MYO6: variants seen among roughly 807,000 people sequenced by gnomAD.
MYO6 encodes myosin VI.
Under a neutral mutation model 178.7 loss-of-function variants are expected in MYO6, and 74 were observed. That is an observed-to-expected ratio of 0.41 (90% CI 0.34 to 0.50). The LOEUF (loss-of-function observed/expected upper bound fraction) is 0.50. MYO6 is among the 20% of genes least tolerant of loss of function. The probability of loss-of-function intolerance (pLI) is 0.09; values close to 1 mark genes in which losing one functional copy is unlikely to be tolerated. For synonymous variants in MYO6, 477 were observed against 504.6 expected, an observed-to-expected ratio of 0.95 and a Z score of 0.73; for missense variants, 1,330 against 1,547.4, an observed-to-expected ratio of 0.86 and a Z score of 2.36.
rs561412813 is a variant in MYO6 at position 75,862,524 on chromosome 6, A to G, written c.1547-72A>G. ...TGATCAGTCCTTGAAATCTGTGATT[A>G]GTGAATTGTTCACATATCTTTAAAA... On this transcript the variant is annotated intron_variant, in intron 15 of 34. Transcript: ENST00000369977. 6.7e-5 allele frequency: 89 copies of G among 1,320,304 alleles called. 2 individuals are homozygous for G. In the East Asian group the frequency reaches 1.1e-3, roughly 16 times the overall value. 81.8% of individuals were successfully genotyped at this position (1,320,304 alleles called of 1,614,324 possible).
chr6:75,893,776 A>G (rs1306351342), intron 28 of MYO6, among the ~76,000 whole-genome samples: 3 of 152,226 alleles, frequency 2.0e-5, no homozygotes, highest in Admixed American at 6.5e-5. Context: ...ATATGGCTAT[A>G]TGAACAAAAG....
chr6:75,788,061 A>G (rs1767852891), intron 1 of MYO6, among the ~76,000 whole-genome samples: 1 of 151,904 alleles, frequency 6.6e-6, no homozygotes, highest in South Asian at 2.1e-4. Flanking sequence ...TGCCCGGCCT[A>G]TTCTGTATCT....
At chr6:75,795,432 T>C (rs954212986) in intron 1 of MYO6, among the ~76,000 whole-genome samples, 6 of 152,220 alleles carry the variant, frequency 3.9e-5, no homozygotes, top group Non-Finnish European at 7.3e-5. Context: ...ATAATCAGTA[T>C]GATCGATTAT....
At chr6:75,914,753 A>G (rs1781021540) in intron 34 of MYO6, 60 bp from the exon 35 acceptor site, 1 of 1,509,946 alleles carries the variant, frequency 6.6e-7, no homozygotes, top group South Asian at 1.1e-5. Flanking sequence ...CAGGCATACA[A>G]CTGGTAAGAA....
intron 3 of MYO6, among the ~76,000 whole-genome samples, chr6:75,824,268 T>C (rs1329017879): frequency 6.6e-6 from 1 of 152,254 alleles, no homozygotes; most frequent in African/African-American, 2.4e-5. Context: ...CAGTATTTGC[T>C]GCCTCTGGCA....
intron 1 of MYO6, among the ~76,000 whole-genome samples, chr6:75,798,105 T>C (rs1769047157): frequency 6.6e-6 from 1 of 152,214 alleles, no homozygotes; most frequent in African/African-American, 2.4e-5. Flanking sequence ...TAGATTTTTA[T>C]AGTTTGAGGT....
intron 32 of MYO6, among the ~76,000 whole-genome samples, chr6:75,909,959 A>C (rs1757076690): frequency 1.3e-5 from 2 of 152,224 alleles, no homozygotes; most frequent in Admixed American, 1.3e-4. Flanking sequence ...GAGTGAGGGC[A>C]ATATTATTAT....
At chr6:75,904,389 T>A (rs1485360005) in intron 30 of MYO6, among the ~76,000 whole-genome samples, 21 of 151,814 alleles carry the variant, frequency 1.4e-4, no homozygotes, top group Non-Finnish European at 4.4e-5. Flanking sequence ...TTTGGTCTTT[T>A]CACATAGTCC....
chr6:75,903,323 G>C (rs575128609), intron 30 of MYO6, among the ~76,000 whole-genome samples: 44 of 152,174 alleles, frequency 2.9e-4, no homozygotes, highest in African/African-American at 1.0e-3. Context: ...GTGGACAGTG[G>C]GGTGTTAAAG....
intron 1 of MYO6, among the ~76,000 whole-genome samples, chr6:75,749,832 T>G (rs1776695910): frequency 6.6e-6 from 1 of 152,158 alleles, no homozygotes. Flanking sequence ...AATGATACCA[T>G]TAATAGTCTA....
At position 75,870,550 on chromosome 6, in the gene MYO6, A is replaced by G. The variant is rs553153015; in HGVS notation, c.1945-97A>G. 134 of 923,266 alleles carry G rather than the reference A, an allele frequency of 1.5e-4. No homozygotes were observed. The African/African-American group carries it at 1.9e-3, about 13-fold the overall frequency. The allele number at this position is 923,266 out of a possible 1,614,324, so 57.2% of individuals were successfully genotyped here. A position where few individuals can be genotyped will look rare whatever the true frequency, so the allele number is the denominator to read the frequency against. ...ATGTGTTGTATTTGGATGTTATTGCATGTTATTTTATTCCAGTACTGGAGA... is the reference window on the plus strand; with the variant it reads ...ATGTGTTGTATTTGGATGTTATTGCGTGTTATTTTATTCCAGTACTGGAGA... On this transcript the variant is annotated intron_variant, in intron 18 of 34. Transcript: ENST00000369977.
At chr6:75,819,487 C>T (rs1166731996) in intron 2 of MYO6, among the ~76,000 whole-genome samples, 2 of 152,174 alleles carry the variant, frequency 1.3e-5, no homozygotes, top group East Asian at 1.9e-4. Context: ...AGTGGAAGTA[C>T]AGTGGAAGTG....
Position 75,858,967 on chromosome 6 carries a change from T to C in MYO6, c.1447T>C (p.Phe483Leu). The change falls in exon 14 of 35, where the codon TTT (phenylalanine) becomes CTT (leucine). Residue 483 changes from phenylalanine (F) to leucine (L), a missense_variant. Physicochemically the swap from Phe to Leu is conservative, Grantham distance 22 (BLOSUM62 0). Transcript: ENST00000369977. ...CTATTGCAATGAAAAACTTCAACAATTTTTTAATGAAAGGATTCTGAAGGA... is the reference window on the plus strand; with the variant it reads ...CTATTGCAATGAAAAACTTCAACAACTTTTTAATGAAAGGATTCTGAAGGA... ...INYCNEKLQQ[F>L]FNERILKEEQ... 6.2e-7 allele frequency: 1 copy of C among 1,605,704 alleles called. No individual in the cohort carries two copies. Among genetic ancestry groups the C allele is most frequent in the East Asian group, 2.2e-5 (1 of 44,756 alleles).
chr6:75,756,522 G>A (rs1777371367), intron 1 of MYO6, among the ~76,000 whole-genome samples: 1 of 151,928 alleles, frequency 6.6e-6, no homozygotes, highest in South Asian at 2.1e-4. Context: ...TAGTAGAGGT[G>A]GGGTTTCACC....
rs776430632 is a variant in MYO6, at chr6:75,914,820, C to T, written c.3666C>T (p.Asp1222=). The T allele has an allele frequency of 3.1e-5, 50 of 1,613,902 alleles. No individual in the cohort carries two copies. Among genetic ancestry groups the T allele is most frequent in the Non-Finnish European group, 3.6e-5 (43 of 1,179,964 alleles). Residue 1222 remains aspartate, a synonymous_variant, in exon 35 of 35, where the codon GAC becomes GAT. Transcript: ENST00000369977. The stretch of plus-strand genomic sequence containing the variant: ...GATATCTCATGAATACAGGTAAGGA[C>T]GACATGGAGATGTGTGAGCTGAATC... ...KPPILLVAGK[D]DMEMCELNLE... is the part of the protein sequence containing the mutation.
rs765145836 is a variant in MYO6, at chr6:75,873,283, C to T, written c.2060C>T (p.Ser687Phe). ...CACTTTGAAGGTGCTCAAATTCTGTCTCAGCTTCAGTGTTCAGGTATTTTC... is the reference window on the plus strand; with the variant it reads ...CACTTTGAAGGTGCTCAAATTCTGTTTCAGCTTCAGTGTTCAGGTATTTTC... Reference protein sequence around the residue: ...SHHFEGAQILSQLQCSGMVSV... With the variant: ...SHHFEGAQILFQLQCSGMVSV... The change falls in exon 20 of 35, where the codon TCT becomes TTT. Residue 687 changes from serine (S) to phenylalanine (F), a missense_variant. Physicochemically the swap from Ser to Phe is radical, Grantham distance 155 (BLOSUM62 -2). Transcript: ENST00000369977. The T allele has an allele frequency of 5.0e-6, 8 of 1,612,998 alleles. No homozygotes were observed. The South Asian group carries it at 6.6e-5, about 13-fold the overall frequency.
At chr6:75,757,093 G>A (rs555138421) in intron 1 of MYO6, among the ~76,000 whole-genome samples, 26 of 141,780 alleles carry the variant, frequency 1.8e-4, no homozygotes, top group East Asian at 1.5e-3. Context: ...ATATGTATAC[G>A]CAATATGTAT....
rs186726795 is a variant in MYO6 at position 75,875,275 on chromosome 6, A to C, written c.2077+1975A>C. ...AAATTTTAAATTTTGTTTAATTAAA[A>C]ATTTTTTTTTGGTTGGGAGGGGCAG... On this transcript the variant is annotated intron_variant, in intron 20 of 34. Coordinates refer to ENST00000369977, the MANE Select transcript of MYO6 (RefSeq NM_004999.4). Among the ~76,000 whole-genome samples, 11 of 152,228 alleles carry C rather than the reference A, an allele frequency of 7.2e-5. No homozygotes were observed. In the East Asian group the frequency reaches 2.1e-3, roughly 29 times the overall value.
intron 5 of MYO6, among the ~76,000 whole-genome samples, chr6:75,832,228 T>C (rs1296117810): frequency 3.9e-5 from 6 of 152,184 alleles, no homozygotes; most frequent in Non-Finnish European, 7.3e-5. Context: ...CTAGGAAATT[T>C]AAAGCTGTTA....
Sources: allele counts gnomAD v4.1 joint callset (sites outside exome capture counted in the v4.1 genomes callset), GRCh38; gene constraint gnomAD v4.1.1; transcripts MANE v1.5; gene names NCBI Gene and HGNC (gene_info 2026-07-23, HGNC 2026-07-21).